FBXO38: variants seen among roughly 807,000 people sequenced by gnomAD.
FBXO38 encodes F-box protein 38.
A neutral mutation model predicts 131.9 loss-of-function variants in FBXO38; 53 were observed. The observed-to-expected ratio is 0.40, with a 90% confidence interval of 0.32 to 0.51. The LOEUF (loss-of-function observed/expected upper bound fraction) is 0.51. FBXO38 is among the 20% of genes least tolerant of loss of function. FBXO38 has a pLI of 0.53. For missense variants in FBXO38, 1,076 were observed against 1,475.6 expected (o/e 0.73, Z 4.44); for synonymous variants, 452 against 505.6 (o/e 0.89, Z 1.42).
chr5:148,431,218 C>T (rs1754027738), intron 15 of FBXO38, among the ~76,000 whole-genome samples: 1 of 152,152 alleles, frequency 6.6e-6, no homozygotes, highest in South Asian at 2.1e-4. Context: ...ATTGTTGATA[C>T]TAGCGGATGT....
chr5:148,389,721 A>C (rs1758097357), intron 1 of FBXO38: 1 of 152,176 alleles, frequency 6.6e-6, no homozygotes, highest in Admixed American at 6.5e-5. Context: ...AAATAAGAGA[A>C]AGGGTGCACA....
chr5:148,440,568 C>A, intron 20 of FBXO38, 41 bp downstream of exon 20: 3 of 1,202,738 alleles, frequency 2.5e-6, no homozygotes, highest in Non-Finnish European at 2.4e-6. Context: ...ATAGCCTGTG[C>A]AGTACTTACC....
rs1342609342 is a variant in FBXO38 at position 148,442,379 on chromosome 5, A to T, written c.*232A>T. On this transcript the variant is annotated 3_prime_UTR_variant, in exon 22 of 22. Transcript: ENST00000340253. ...ATCATATGTTTATACAATTTAATTT[A>T]AAAATTCATTTTAAGGAAGACAGAT... 3.1e-6 allele frequency: 1 copy of T among 319,202 alleles called. No individual in the cohort carries two copies. The highest frequency in any genetic ancestry group is 5.6e-6 in the Non-Finnish European group (1 of 177,564). The allele number at this position is 319,202 out of a possible 1,614,324, so 19.8% of individuals were successfully genotyped here. A position where few individuals can be genotyped will look rare whatever the true frequency, so the allele number is the denominator to read the frequency against.
intron 15 of FBXO38, chr5:148,430,150 T>C (rs1218685855): frequency 1.0e-5 from 1 of 100,120 alleles, no homozygotes; most frequent in Non-Finnish European, 2.2e-5. Context: ...ATAATTATTA[T>C]TATTATTATT....
At position 148,415,535 on chromosome 5, in the gene FBXO38, A is replaced by G. The variant is rs1753002959; in HGVS notation, c.1265-393A>G. ...GTCCTGTAGCTTGTTTTTTGTACTAAGTATAATTTGGAGAGTTTTCCATGT... is the reference window on the plus strand; with the variant it reads ...GTCCTGTAGCTTGTTTTTTGTACTAGGTATAATTTGGAGAGTTTTCCATGT... On this transcript the variant is annotated intron_variant, in intron 10 of 21. Coordinates refer to ENST00000340253, the MANE Select transcript of FBXO38 (RefSeq NM_205836.3). 3 of 209,506 alleles carry G rather than the reference A, an allele frequency of 1.4e-5. No homozygotes were observed. The Admixed American group carries it at 1.6e-4, about 11-fold the overall frequency. 13.0% of individuals were successfully genotyped at this position (209,506 alleles called of 1,614,324 possible).
chr5:148,384,396 G>A (rs1757801356), intron 1 of FBXO38, among the ~76,000 whole-genome samples: 3 of 152,192 alleles, frequency 2.0e-5, no homozygotes, highest in Admixed American at 6.5e-5. Context: ...TGATTTTAAT[G>A]TTAAGTCGGT....
intron 2 of FBXO38, chr5:148,397,786 A>G: frequency 6.6e-6 from 1 of 152,276 alleles, no homozygotes; most frequent in East Asian, 1.9e-4. Context: ...GCCATGTGAC[A>G]TTTTGCAGGT....
At position 148,438,433 on chromosome 5, in the gene FBXO38, C is replaced by G; in HGVS notation, c.2959C>G (p.Leu987Val). ...CAAGAAACTGAACATGGATCAGGTACTAGACCAGATACTAAGAATGCCACC... is the reference window on the plus strand; with the variant it reads ...CAAGAAACTGAACATGGATCAGGTAGTAGACCAGATACTAAGAATGCCACC... ...QCKKLNMDQV[L>V]DQILRMPPER... Residue 987 changes from leucine to valine, a missense_variant, in exon 18 of 22, where the codon CTA (leucine) becomes GTA (valine). By Grantham distance (32) the Leu-to-Val change is conservative. Coordinates refer to ENST00000340253, the MANE Select transcript of FBXO38 (RefSeq NM_205836.3). 1 of 1,613,900 alleles carries G rather than the reference C, an allele frequency of 6.2e-7. No homozygotes were observed.
intron 18 of FBXO38, 127 bp from the exon 19 acceptor site, chr5:148,439,520 A>G (rs1754549969): frequency 1.1e-6 from 1 of 921,660 alleles, no homozygotes; most frequent in Non-Finnish European, 1.6e-6. Flanking sequence ...GAATGTGACT[A>G]TTTGATTTTC....
At chr5:148,429,834 T>G (rs1010874727) in intron 15 of FBXO38, among the ~76,000 whole-genome samples, 1 of 152,148 alleles carries the variant, frequency 6.6e-6, no homozygotes, top group African/African-American at 2.4e-5. Context: ...TTTTATTCTT[T>G]TTTCATGTCT....
chr5:148,440,154 G>T (rs765118972), intron 19 of FBXO38, among the ~76,000 whole-genome samples: 5 of 152,120 alleles, frequency 3.3e-5, no homozygotes, highest in African/African-American at 4.8e-5. Flanking sequence ...TATAAATGTT[G>T]CATTAAGCAC....
In FBXO38 at chr5:148,416,807, A is replaced by G. The variant is rs1753080676; in HGVS notation, c.1408-187A>G. ...TCCTCATCTGTAAATCAAGCCAGTA[A>G]CCCTTTATCTATCTTGAAGTGTTGC... is the stretch of plus-strand genomic sequence containing the variant. On this transcript the variant is annotated intron_variant, in intron 11 of 21. Transcript: ENST00000340253. 7.0e-6 allele frequency: 4 copies of G among 570,880 alleles called. No individual in the cohort carries two copies. In the East Asian group the frequency reaches 1.2e-4, roughly 17 times the overall value. 35.4% of individuals were successfully genotyped at this position (570,880 alleles called of 1,614,324 possible). A position where few individuals can be genotyped will look rare whatever the true frequency, so the allele number is the denominator to read the frequency against.
intron 2 of FBXO38, among the ~76,000 whole-genome samples, chr5:148,395,520 T>C (rs913830257): frequency 1.3e-5 from 2 of 152,042 alleles, no homozygotes; most frequent in Non-Finnish European, 2.9e-5. Flanking sequence ...TCCACTGCTC[T>C]CTTCTTTCAA....
chr5:148,406,378 A>C lies in FBXO38; in HGVS notation c.852A>C (p.Glu284Asp), dbSNP rs1752445652. The C allele has an allele frequency of 6.4e-7, 1 of 1,573,160 alleles. No homozygotes were observed. The highest frequency in any genetic ancestry group is 1.4e-5 in the African/African-American group (1 of 72,892). ...GAGGTCTTATCCAACATGTTGTTGA[A>C]GACAGTTGGAGATCAGGTATTCATT... ...FLGGLIQHVVEDSWRSGGFRN... is the reference protein window; with the variant it reads ...FLGGLIQHVVDDSWRSGGFRN... Residue 284 changes from glutamate (E) to aspartate (D), a missense_variant, in exon 7 of 22, where the codon GAA (glutamate) becomes GAC (aspartate). Transcript: ENST00000340253.
At chr5:148,430,961 C>T (rs903453775) in intron 15 of FBXO38, among the ~76,000 whole-genome samples, 1 of 152,068 alleles carries the variant, frequency 6.6e-6, no homozygotes, top group African/African-American at 2.4e-5. Context: ...TCCCTGACAC[C>T]CCAAGACTGG....
intron 17 of FBXO38, among the ~76,000 whole-genome samples, chr5:148,437,720 T>G (rs2113661306): frequency 6.6e-6 from 1 of 152,344 alleles, no homozygotes; most frequent in African/African-American, 2.4e-5. Context: ...AATTACTTTT[T>G]TCTGACTTCA....
intron 17 of FBXO38, among the ~76,000 whole-genome samples, chr5:148,437,464 A>G (rs181232426): frequency 6.6e-6 from 1 of 152,332 alleles, no homozygotes; most frequent in African/African-American, 2.4e-5. Flanking sequence ...CAAGTTAGTT[A>G]CATTAGATTG....
chr5:148,441,864 A>G (rs751392628), intron 21 of FBXO38, 105 bp from the exon 22 acceptor site: 22 of 847,106 alleles, frequency 2.6e-5, no homozygotes, highest in East Asian at 1.7e-4. Context: ...CATCAGTTAC[A>G]TTATAGTGCA....
At chr5:148,415,781 G>T in intron 10 of FBXO38, 147 bp from the exon 11 acceptor site, 1 of 744,648 alleles carries the variant, frequency 1.3e-6, no homozygotes, top group Non-Finnish European at 2.2e-6. Context: ...TCATAATTTA[G>T]AATCATCGGG....
Sources: gnomAD v4.1 joint callset for allele counts (sites outside exome capture counted in the v4.1 genomes callset) on GRCh38, gnomAD v4.1.1 for gene constraint, MANE v1.5 for transcripts, NCBI Gene and HGNC (gene_info 2026-07-23, HGNC 2026-07-21) for gene names.